Variants in TRAPPC11 observed in about 807,000 individuals in gnomAD.
The protein encoded by TRAPPC11 is foie gras homolog.
TRAPPC11 carries 104 observed loss-of-function variants against 151.2 expected under a neutral mutation model. The observed-to-expected ratio is 0.69, with a 90% CI of 0.59 to 0.81. TRAPPC11 has a LOEUF of 0.81. Among genes scored for constraint, TRAPPC11 ranks in the 30% least tolerant of loss-of-function variants. TRAPPC11 has a pLI of 0.00. For synonymous variants in TRAPPC11, 456 were observed against 472.3 expected (o/e 0.97, Z 0.45); for missense variants, 1,230 against 1,349.6 (o/e 0.91, Z 1.39).
intron 23 of TRAPPC11, among the ~76,000 whole-genome samples, chr4:183,695,361 C>T (rs573446793): frequency 2.6e-5 from 4 of 152,134 alleles, no homozygotes; most frequent in South Asian, 2.1e-4. Context: ...AAAAGGAGGT[C>T]GCCCTTTGAA....
chr4:183,661,533 G>T (rs1734537730), intron 1 of TRAPPC11, among the ~76,000 whole-genome samples: 1 of 150,712 alleles, frequency 6.6e-6, no homozygotes, highest in African/African-American at 2.4e-5. Context: ...CACCATACTC[G>T]GCTAATTTTT....
rs1395631451 is a variant in TRAPPC11 at position 183,684,302 on chromosome 4, T to C, written c.1367-3T>C. On this transcript the variant is annotated splice_polypyrimidine_tract_variant and splice_region_variant and intron_variant, in intron 13 of 29. Coordinates refer to ENST00000334690, the MANE Select transcript of TRAPPC11 (RefSeq NM_021942.6). ...CATACATAAATCTTTTTTTCCTTTA[T>C]AGTGGTTCAGATGGGAGAGGAATAT... is the stretch of plus-strand genomic sequence containing the variant. 3.1e-6 allele frequency: 5 copies of C among 1,613,720 alleles called. No individual in the cohort carries two copies. The highest frequency in any genetic ancestry group is 4.2e-6 in the Non-Finnish European group (5 of 1,179,644).
chr4:183,691,148 C>T (rs1027546465), intron 18 of TRAPPC11, among the ~76,000 whole-genome samples, 168 bp from the exon 19 acceptor site: 1 of 152,188 alleles, frequency 6.6e-6, no homozygotes, highest in Non-Finnish European at 1.5e-5. Context: ...ATTATGGCAG[C>T]AGTAAGTGGA....
At chr4:183,672,785 AACCACACTT>A (rs1018283647) in intron 5 of TRAPPC11, among the ~76,000 whole-genome samples, 3 of 152,180 alleles carry the variant, frequency 2.0e-5, no homozygotes, top group African/African-American at 7.2e-5. Context: ...TGAAAACTAA[AACCACACTT>A]ATCTTTGATA....
chr4:183,695,114 A>G (rs1029761128), intron 23 of TRAPPC11, among the ~76,000 whole-genome samples: 6 of 151,768 alleles, frequency 4.0e-5, no homozygotes, highest in Admixed American at 1.3e-4. Flanking sequence ...ACACCCAGCT[A>G]ATTTTTTGTA....
At chr4:183,694,134 A>G (rs990993478) in intron 22 of TRAPPC11, 96 bp downstream of exon 22, 12 of 1,293,116 alleles carry the variant, frequency 9.3e-6, no homozygotes, top group Non-Finnish European at 1.3e-5. Flanking sequence ...TTTAACGCAT[A>G]TTCTAGGACT....
At chr4:183,682,861 C>A (rs1276405465) in intron 11 of TRAPPC11, 36 bp downstream of exon 11, 2 of 1,392,848 alleles carry the variant, frequency 1.4e-6, no homozygotes, top group South Asian at 1.2e-5. Flanking sequence ...TCCTCTCAAC[C>A]TCAAAAGGCA....
At position 183,712,810 on chromosome 4, in the gene TRAPPC11, G is replaced by A; in HGVS notation, c.*166G>A. 1.8e-6 allele frequency: 1 copy of A among 544,870 alleles called. No individual in the cohort carries two copies. The highest frequency in any genetic ancestry group is 3.2e-6 in the Non-Finnish European group (1 of 312,242). 33.8% of individuals were successfully genotyped at this position (544,870 alleles called of 1,614,324 possible). A position where few individuals can be genotyped will look rare whatever the true frequency, so the allele number is the denominator to read the frequency against. ...GGAACTCATACTTCAAAAATATTAG[G>A]AAAATCTGTCTTATAGTTTCTCTAA... On this transcript the variant is annotated 3_prime_UTR_variant, in exon 30 of 30. Coordinates refer to ENST00000334690, the MANE Select transcript of TRAPPC11 (RefSeq NM_021942.6).
intron 10 of TRAPPC11, among the ~76,000 whole-genome samples, chr4:183,681,425 A>C (rs1735683296): frequency 6.6e-6 from 1 of 151,786 alleles, no homozygotes; most frequent in African/African-American, 2.4e-5. Flanking sequence ...TTAAAAAGTG[A>C]CTAAAACTAG....
chr4:183,699,974 C>CA (rs1736725054), intron 25 of TRAPPC11, among the ~76,000 whole-genome samples: 1 of 152,066 alleles, frequency 6.6e-6, no homozygotes, highest in South Asian at 2.1e-4. Context: ...TACAGGCACC[C>CA]ACCACCACGC....
Position 183,701,676 on chromosome 4 carries a change from T to C in TRAPPC11, c.2852-21T>C, listed in dbSNP as rs754936282. 5.2e-5 allele frequency: 79 copies of C among 1,529,004 alleles called. No homozygotes were observed. In the East Asian group the frequency reaches 1.1e-3, roughly 21 times the overall value. The allele number at this position is 1,529,004 out of a possible 1,614,324, so 94.7% of individuals were successfully genotyped here. A position where few individuals can be genotyped will look rare whatever the true frequency, so the allele number is the denominator to read the frequency against. On this transcript the variant is annotated intron_variant, in intron 25 of 29. Transcript: ENST00000334690. ...GTAGATGAAACCATTGCATAAGGAA[T>C]ATAAAGACTTTTCCCTGTAGTTATC...
At position 183,706,946 on chromosome 4, in the gene TRAPPC11, G is replaced by C; in HGVS notation, c.3189+6G>C. On this transcript the variant is annotated splice_donor_region_variant and intron_variant, in intron 28 of 29. Transcript: ENST00000334690. ...TGTTCTCAGGTCTCAAACAGGTACAGGTCATATCTTGTGATGCTTATGTTG... is the reference window on the plus strand; with the variant it reads ...TGTTCTCAGGTCTCAAACAGGTACACGTCATATCTTGTGATGCTTATGTTG... 1 of 1,613,282 alleles carries C rather than the reference G, an allele frequency of 6.2e-7. No homozygotes were observed. The highest frequency in any genetic ancestry group is 8.5e-7 in the Non-Finnish European group (1 of 1,179,702).
At chr4:183,676,612 A>G (rs574229669) in intron 7 of TRAPPC11, among the ~76,000 whole-genome samples, 4 of 152,250 alleles carry the variant, frequency 2.6e-5, no homozygotes, top group African/African-American at 4.8e-5. Flanking sequence ...TGTGCAAGGT[A>G]GGCCCTGTTC....
chr4:183,676,884 C>T (rs2111338132), intron 7 of TRAPPC11, among the ~76,000 whole-genome samples: 1 of 152,306 alleles, frequency 6.6e-6, no homozygotes, highest in African/African-American at 2.4e-5. Flanking sequence ...CCTGCCTCAA[C>T]TTCCTGAGTA....
rs148105529 is a variant in TRAPPC11, at chr4:183,666,334, A to C, written c.282A>C (p.Pro94=). 1,673 of 1,614,094 alleles carry C rather than the reference A, an allele frequency of 1.0e-3. 1 individual carries two copies. Among genetic ancestry groups the C allele is most frequent in the Non-Finnish European group, 1.3e-3 (1,583 of 1,180,022 alleles). ...GWMNKHLNLV[P]ALVVVFYELD... ...TGAATAAGCATCTGAATCTGGTGCC[A>C]GCCCTGGTGGTTGTGTTCTATGAAC... The change falls in exon 3 of 30, where the codon CCA becomes CCC. Residue 94 remains proline, a synonymous_variant. Transcript: ENST00000334690.
Position 183,708,527 on chromosome 4 carries a change from A to G in TRAPPC11, c.3310A>G (p.Thr1104Ala), listed in dbSNP as rs78663235. Residue 1104 changes from threonine (T) to alanine (A), a missense_variant, in exon 29 of 30, where the codon ACA becomes GCA. Coordinates refer to ENST00000334690, the MANE Select transcript of TRAPPC11 (RefSeq NM_021942.6). The part of the protein sequence containing the change: ...NINLLRFPNF[T>A]NQLLRRFIPT... ...CAACTTGCTTAGATTTCCTAACTTC[A>G]CAAATCAGCTGCTCAGGCGTTTTAT... The G allele has an allele frequency of 7.9e-4, 1,271 of 1,614,100 alleles. 11 individuals carry two copies. The African/African-American group carries it at 0.015, about 19-fold the overall frequency.
intron 1 of TRAPPC11, among the ~76,000 whole-genome samples, chr4:183,661,098 C>A (rs923725942): frequency 1.3e-5 from 2 of 152,052 alleles, no homozygotes; most frequent in African/African-American, 4.8e-5. Flanking sequence ...GCCCTCATAA[C>A]TTAATCCTGT....
At chr4:183,707,146 T>G (rs993411359) in intron 28 of TRAPPC11, among the ~76,000 whole-genome samples, 5 of 152,128 alleles carry the variant, frequency 3.3e-5, no homozygotes, top group South Asian at 4.1e-4. Context: ...GACACGTGGG[T>G]TCTTCTTATA....
Position 183,690,226 on chromosome 4 carries a change from G to GAA in TRAPPC11, c.1894-1081_1894-1080dup, listed in dbSNP as rs5864851. Among the ~76,000 whole-genome samples, 226 of 149,504 alleles carry GAA rather than the reference G, an allele frequency of 1.5e-3. 1 individual carries two copies. Among genetic ancestry groups the GAA allele is most frequent in the African/African-American group, 5.1e-3 (207 of 40,742 alleles). On this transcript the variant is annotated intron_variant, in intron 18 of 29. Coordinates refer to ENST00000334690, the MANE Select transcript of TRAPPC11 (RefSeq NM_021942.6). ...AAGAAATTCACAATATAAACCATAA[G>GAA]AAAAAAAAAAGTAGAGTAGTTTTTA...
Sources: gnomAD v4.1 joint callset for allele counts (sites outside exome capture counted in the v4.1 genomes callset) on GRCh38, gnomAD v4.1.1 for gene constraint, MANE v1.5 for transcripts, NCBI Gene and HGNC (gene_info 2026-07-23, HGNC 2026-07-21) for gene names.